TRIM14: variants seen among roughly 807,000 people sequenced by gnomAD.
The protein encoded by TRIM14 is tripartite motif containing 14.
TRIM14 carries 28 observed loss-of-function variants against 44.5 expected under a neutral mutation model. The ratio of observed to expected loss-of-function variants is 0.63; its 90% CI spans 0.47 to 0.86. The LOEUF (loss-of-function observed/expected upper bound fraction) is 0.86. TRIM14 is among the 40% of genes least tolerant of loss of function. The pLI is 0.00. For missense variants in TRIM14, 607 were observed against 611.1 expected (o/e 0.99, Z 0.07); for synonymous variants, 299 against 269.2 (o/e 1.11, Z -1.08).
At chr9:98,071,143 A>G (rs1404428259) in intron 6 of TRIM14, among the ~76,000 whole-genome samples, 1 of 152,218 alleles carries the variant, frequency 6.6e-6, no homozygotes, top group African/African-American at 2.4e-5. Context: ...TTGAAGATGA[A>G]AACATTTGGG....
chr9:98,042,439 AAT>A, the TRIM14 span, among the ~76,000 whole-genome samples: 2 of 152,186 alleles, frequency 1.3e-5, no homozygotes, highest in Admixed American at 1.3e-4. Flanking sequence ...CTGATTATTT[AAT>A]AGTTTTCCTA....
chr9:98,107,451 A>G (rs980251915), intron 2 of TRIM14, among the ~76,000 whole-genome samples: 1 of 152,230 alleles, frequency 6.6e-6, no homozygotes, highest in Non-Finnish European at 1.5e-5. Context: ...TTAGTGGAAT[A>G]TTACTACTCA....
intron 1 of TRIM14, among the ~76,000 whole-genome samples, chr9:98,114,058 A>T (rs1826956960): frequency 6.6e-6 from 1 of 152,260 alleles, no homozygotes; most frequent in Admixed American, 6.5e-5. Flanking sequence ...CAAAAGAGAC[A>T]CATTAGGCTT....
intron 2 of TRIM14, among the ~76,000 whole-genome samples, chr9:98,101,618 C>T (rs1826395583): frequency 6.6e-6 from 1 of 151,992 alleles, no homozygotes; most frequent in African/African-American, 2.4e-5. Flanking sequence ...GACAGGGAGT[C>T]ACTGTTGGCC....
intron 3 of TRIM14, among the ~76,000 whole-genome samples, chr9:98,096,488 A>G (rs1254080074): frequency 1.3e-5 from 2 of 152,202 alleles, no homozygotes; most frequent in Non-Finnish European, 2.9e-5. Flanking sequence ...CCCAAACTCC[A>G]GCAGCTAGCA....
downstream of TRIM14, among the ~76,000 whole-genome samples, chr9:98,082,601 A>G (rs1829923728): frequency 6.6e-6 from 1 of 152,240 alleles, no homozygotes; most frequent in African/African-American, 2.4e-5. Context: ...GGCTCCGCCT[A>G]CATAGCCTCA....
At chr9:98,113,126 A>T in intron 1 of TRIM14, among the ~76,000 whole-genome samples, 1 of 123,676 alleles carries the variant, frequency 8.1e-6, no homozygotes, top group Non-Finnish European at 1.7e-5. Flanking sequence ...AAAAAAAAAA[A>T]AAAAAAAAAA....
chr9:98,113,431 T>G (rs1826931979), intron 1 of TRIM14, among the ~76,000 whole-genome samples: 1 of 152,204 alleles, frequency 6.6e-6, no homozygotes, highest in Admixed American at 6.5e-5. Context: ...CTTGGCTCAC[T>G]GCAGCCTTGA....
At chr9:98,092,548 G>A (rs1484936364) in intron 4 of TRIM14, 2 of 376,134 alleles carry the variant, frequency 5.3e-6, no homozygotes, top group South Asian at 1.9e-5. Flanking sequence ...CATCACAGGG[G>A]CCTGTAGAGA....
At chr9:98,050,515 T>G in the TRIM14 span, among the ~76,000 whole-genome samples, 3 of 152,270 alleles carry the variant, frequency 2.0e-5, no homozygotes, top group South Asian at 2.1e-4. Flanking sequence ...TTCCTTAAAG[T>G]CTTAGTATTG....
downstream of TRIM14, among the ~76,000 whole-genome samples, chr9:98,065,476 C>T (rs999214062): frequency 1.4e-4 from 17 of 123,522 alleles, no homozygotes; most frequent in South Asian, 3.1e-4. Flanking sequence ...ACCACCATGC[C>T]CAGCTAATTT....
At chr9:98,056,958 G>T in the TRIM14 span, 4 of 1,562,950 alleles carry the variant, frequency 2.6e-6, no homozygotes, top group East Asian at 7.3e-5. Flanking sequence ...GGCAGCTCCC[G>T]GGACCCGGGA....
At chr9:98,099,754 C>T (rs1281466982) in intron 3 of TRIM14, among the ~76,000 whole-genome samples, 177 bp downstream of exon 3, 1 of 152,234 alleles carries the variant, frequency 6.6e-6, no homozygotes, top group African/African-American at 2.4e-5. Flanking sequence ...GGTGTATTAT[C>T]TTCCTAACAA....
At chr9:98,076,866 AAC>A (rs2117941947) in intron 6 of TRIM14, 1 of 1,446,270 alleles carries the variant, frequency 6.9e-7, no homozygotes, top group South Asian at 1.2e-5. Flanking sequence ...CTGTCATAAC[AAC>A]AGTGTTTTTG....
At chr9:98,067,993 A>T (rs1829199631), downstream of TRIM14, among the ~76,000 whole-genome samples, 1 of 152,108 alleles carries the variant, frequency 6.6e-6, no homozygotes, top group Non-Finnish European at 1.5e-5. Flanking sequence ...AAGTGCTGGG[A>T]TTACAGGCAT....
chr9:98,109,417 A>AC (rs1424918325), intron 2 of TRIM14, among the ~76,000 whole-genome samples: 1 of 152,242 alleles, frequency 6.6e-6, no homozygotes, highest in Non-Finnish European at 1.5e-5. Context: ...TTCCCATTCA[A>AC]AATCCACAGA....
At chr9:98,101,938 G>A (rs1826409637) in intron 2 of TRIM14, among the ~76,000 whole-genome samples, 1 of 150,936 alleles carries the variant, frequency 6.6e-6, no homozygotes, top group South Asian at 2.1e-4. Context: ...AGCCCGGGAG[G>A]TGGAGCTTGC....
Position 98,087,232 on chromosome 9 carries a change from G to C in TRIM14, c.*238C>G, listed in dbSNP as rs758342931. 5.1e-6 allele frequency: 4 copies of C among 780,410 alleles called. No homozygotes were observed. The highest frequency in any genetic ancestry group is 1.7e-5 in the Admixed American group (1 of 58,640). 48.3% of individuals were successfully genotyped at this position (780,410 alleles called of 1,614,324 possible). Reference sequence around the variant, plus strand: ...ATTAAAGTAGTGTAAGTGATGGTGGGGTGAGGGTGCGGAGGTCTGATGAGA... The same window carrying C: ...ATTAAAGTAGTGTAAGTGATGGTGGCGTGAGGGTGCGGAGGTCTGATGAGA... On this transcript the variant is annotated 3_prime_UTR_variant, in exon 6 of 6. Transcript: ENST00000341469.
the TRIM14 span, among the ~76,000 whole-genome samples, chr9:98,060,136 T>C: frequency 2.6e-5 from 4 of 152,242 alleles, no homozygotes; most frequent in Admixed American, 6.5e-5. Flanking sequence ...TGACTATTCT[T>C]TGCTCAGTTA....
Sources: gnomAD v4.1 joint callset for allele counts (sites outside exome capture counted in the v4.1 genomes callset) on GRCh38, gnomAD v4.1.1 for gene constraint, MANE v1.5 for transcripts, NCBI Gene and HGNC (gene_info 2026-07-23, HGNC 2026-07-21) for gene names.